Variants in ZNF232 observed in about 807,000 individuals in gnomAD.
ZNF232 encodes zinc finger protein 232, also known as zinc finger and SCAN domain-containing protein 11.
Under a neutral mutation model 25.2 loss-of-function variants are expected in ZNF232, and 25 were observed. That is an observed-to-expected ratio of 0.99 (90% CI 0.72 to 1.39). The LOEUF is 1.39. Among genes scored for constraint, ZNF232 ranks in the 40% most tolerant of loss-of-function variants. The probability of loss-of-function intolerance (pLI) is 0.00; values close to 1 mark genes in which losing one functional copy is unlikely to be tolerated. For missense variants in ZNF232, 519 were observed against 520.9 expected, an observed-to-expected ratio of 1.00 and a Z score of 0.04; for synonymous variants, 193 against 182.9, an observed-to-expected ratio of 1.06 and a Z score of -0.45.
rs1009841284 is a variant in ZNF232 at position 5,110,275 on chromosome 17, G to A, written c.24-407C>T. Among the ~76,000 whole-genome samples the A allele has an allele frequency of 1.1e-4, 17 of 152,142 alleles. No individual in the cohort carries two copies. In the East Asian group the frequency reaches 1.2e-3, roughly 10 times the overall value. On this transcript the variant is annotated intron_variant, in intron 1 of 3. Transcript: ENST00000575898. ...ACCCTGTCCTATGCCCTGTAGTCCCGCTTTTTCTTCCACCCCTCCCCAGAA... is the reference window on the plus strand; with the variant it reads ...ACCCTGTCCTATGCCCTGTAGTCCCACTTTTTCTTCCACCCCTCCCCAGAA...
Position 5,108,841 on chromosome 17 carries a change from C to G in ZNF232, c.625+85G>C, listed in dbSNP as rs11870491. 15,458 of 1,594,918 alleles carry G rather than the reference C, an allele frequency of 9.7e-3. 1,288 individuals carry two copies. In the African/African-American group the frequency reaches 0.18, roughly 19 times the overall value. On this transcript the variant is annotated intron_variant, in intron 3 of 3. Coordinates refer to ENST00000575898, the Ensembl canonical transcript of ZNF232. ...ATACCAAACATTTAAGCACCTACTA[C>G]TATTTACCCTTTACAGGTACTAGGT...
At chr17:5,110,143 C>T (rs2072366151) in intron 1 of ZNF232, among the ~76,000 whole-genome samples, 2 of 152,280 alleles carry the variant, frequency 1.3e-5, no homozygotes, top group East Asian at 1.9e-4. Flanking sequence ...CCACCCACCT[C>T]GGCCTCCCAA....
intron 1 of ZNF232, among the ~76,000 whole-genome samples, chr17:5,119,501 C>T (rs1013179542): frequency 7.2e-5 from 11 of 152,310 alleles, no homozygotes; most frequent in South Asian, 2.1e-4. Context: ...TGGAAGCAAG[C>T]GAGGCTGGGG....
intron 1 of ZNF232, among the ~76,000 whole-genome samples, chr17:5,110,123 C>T (rs1229914820): frequency 6.6e-6 from 1 of 152,134 alleles, no homozygotes; most frequent in Admixed American, 6.5e-5. Flanking sequence ...AACTCCTGAC[C>T]TCAGGTGACC....
At chr17:5,114,570 C>T (rs1395733562), upstream of ZNF232, 1 of 152,600 alleles carries the variant, frequency 6.6e-6, no homozygotes, top group Non-Finnish European at 1.5e-5. Flanking sequence ...TGGCTCACGC[C>T]TGTAATCCCA....
chr17:5,117,187 A>C (rs1419387552), intron 1 of ZNF232, among the ~76,000 whole-genome samples: 1 of 152,156 alleles, frequency 6.6e-6, no homozygotes, highest in African/African-American at 2.4e-5. Context: ...ATTTATGCTC[A>C]CCCTGCTTTG....
intron 1 of ZNF232, among the ~76,000 whole-genome samples, chr17:5,117,045 C>T (rs1228753750): frequency 1.3e-5 from 2 of 152,180 alleles, no homozygotes; most frequent in East Asian, 1.9e-4. Context: ...AAAGCCTTCC[C>T]CAGCTAGGTG....
upstream of ZNF232, chr17:5,111,852 C>G (rs775919895): frequency 6.2e-7 from 1 of 1,613,602 alleles, no homozygotes; most frequent in Admixed American, 1.7e-5. Flanking sequence ...GCGCCACTTA[C>G]AGCCCTCACC....
At chr17:5,107,830 C>T (rs1010121527) in intron 3 of ZNF232, among the ~76,000 whole-genome samples, 31 of 152,218 alleles carry the variant, frequency 2.0e-4, no homozygotes, top group African/African-American at 7.2e-4. Flanking sequence ...CCACCGTGCC[C>T]AGCCAAGATC....
upstream of ZNF232, chr17:5,111,945 G>T: frequency 1.4e-6 from 2 of 1,426,716 alleles, no homozygotes; most frequent in African/African-American, 1.4e-5. Context: ...TTCCGTTCGC[G>T]GACTTTGGCC....
chr17:5,109,847 G>A, exon 2 of ZNF232: 6 of 1,607,974 alleles, frequency 3.7e-6, no homozygotes, highest in Non-Finnish European at 5.1e-6. Flanking sequence ...GCTCATACCA[G>A]CTGGAATCTT....
At chr17:5,108,276 GC>G (rs1413949579) in intron 3 of ZNF232, among the ~76,000 whole-genome samples, 1 of 152,174 alleles carries the variant, frequency 6.6e-6, no homozygotes, top group Non-Finnish European at 1.5e-5. Flanking sequence ...GAGAGTTCAC[GC>G]CCCTGAGGCT....
At chr17:5,106,089 T>C in exon 4 of ZNF232, 1 of 1,614,184 alleles carries the variant, frequency 6.2e-7, no homozygotes, top group Non-Finnish European at 8.5e-7. Context: ...TTCGAAGGGT[T>C]TCTCTCCTGT....
At chr17:5,108,596 G>A (rs774414561) in intron 3 of ZNF232, among the ~76,000 whole-genome samples, 79 of 152,128 alleles carry the variant, frequency 5.2e-4, no homozygotes, top group Admixed American at 1.2e-3. Flanking sequence ...TAAGTGCAGT[G>A]GAGATGATAA....
At chr17:5,109,763 T>C in exon 2 of ZNF232, 1 of 1,614,214 alleles carries the variant, frequency 6.2e-7, no homozygotes, top group Non-Finnish European at 8.5e-7. Flanking sequence ...CTTGTCCCTG[T>C]GTACCCTGAA....
chr17:5,109,302 T>G (rs751603999), intron 2 of ZNF232, 92 bp downstream of exon 2: 1 of 1,505,182 alleles, frequency 6.6e-7, no homozygotes, highest in Non-Finnish European at 9.2e-7. Flanking sequence ...CAAGAGAGGT[T>G]TGAACTTGGC....
chr17:5,111,841 C>A, exon 1 of ZNF232: 1 of 1,613,762 alleles, frequency 6.2e-7, no homozygotes, highest in Non-Finnish European at 8.5e-7. Flanking sequence ...TGCCGCGAAT[C>A]GCGCCACTTA....
chr17:5,111,823 C>T (rs1468894441), exon 1 of ZNF232: 1 of 1,613,840 alleles, frequency 6.2e-7, no homozygotes, highest in Admixed American at 1.7e-5. Flanking sequence ...GAGGTTCCAT[C>T]GGGGCGCTGC....
chr17:5,106,988 C>T (rs2072275079), intron 3 of ZNF232, among the ~76,000 whole-genome samples: 1 of 152,064 alleles, frequency 6.6e-6, no homozygotes, highest in Non-Finnish European at 1.5e-5. Flanking sequence ...TCTATAGCCT[C>T]TTTAGAGGAC....
Sources: allele counts gnomAD v4.1 joint callset (sites outside exome capture counted in the v4.1 genomes callset), GRCh38; gene constraint gnomAD v4.1.1; transcripts MANE v1.5; gene names NCBI Gene and HGNC (gene_info 2026-07-23, HGNC 2026-07-21).